NALF1: variants seen among roughly 807,000 people sequenced by gnomAD.
The protein encoded by NALF1 is NALCN channel auxiliary factor 1, also known as family with sequence similarity 155 member A.
In NALF1, 3 loss-of-function variants were observed where a neutral mutation model predicts 48.4. The observed-to-expected ratio is 0.06, with a 90% confidence interval of 0.03 to 0.16. The LOEUF is 0.16. NALF1 is among the 10% of genes least tolerant of loss of function. NALF1 has a pLI of 1.00. For synonymous variants in NALF1, 262 were observed against 245.7 expected (o/e 1.07, Z -0.62); for missense variants, 526 against 571.5 (o/e 0.92, Z 0.81).
chr13:107,215,953 T>C (rs1366481156), intron 1 of NALF1, among the ~76,000 whole-genome samples: 2 of 152,214 alleles, frequency 1.3e-5, no homozygotes, highest in African/African-American at 4.8e-5. Flanking sequence ...TGTAAATATA[T>C]GTTAGCCTGC....
intron 1 of NALF1, among the ~76,000 whole-genome samples, chr13:107,680,163 G>A (rs4083986): frequency 0.51 from 77,130 of 151,978 alleles, 20,923 homozygotes; most frequent in Middle Eastern, 0.64. Context: ...CACAGGCTCT[G>A]CATTGCTTTC....
rs1386676717 is a variant in NALF1, at chr13:107,168,834, A to C, written c.*1663T>G. The stretch of plus-strand genomic sequence containing the variant: ...GCCCGGGGAAATTTCATAGCTATAA[A>C]GTTAATAACTAAATTTTGTTCACTA... On this transcript the variant is annotated 3_prime_UTR_variant, in exon 3 of 3. Transcript: ENST00000375915. 6.6e-6 allele frequency: 1 copy of C among 152,644 alleles called. No homozygotes were observed. Among genetic ancestry groups the C allele is most frequent in the African/African-American group, 2.4e-5 (1 of 41,464 alleles). 9.5% of individuals were successfully genotyped at this position (152,644 alleles called of 1,614,324 possible).
intron 1 of NALF1, among the ~76,000 whole-genome samples, chr13:107,681,452 T>C (rs1332720725): frequency 6.6e-6 from 1 of 151,444 alleles, no homozygotes; most frequent in Admixed American, 6.6e-5. Context: ...CTGGGGTGCA[T>C]CTGCCAACTC....
intron 1 of NALF1, among the ~76,000 whole-genome samples, chr13:107,687,010 T>C (rs142843457): frequency 1.3e-5 from 2 of 152,320 alleles, no homozygotes; most frequent in East Asian, 3.9e-4. Context: ...CCTATGTTTA[T>C]TGCAGCCTTA....
intron 1 of NALF1, among the ~76,000 whole-genome samples, chr13:107,674,571 C>T (rs893239723): frequency 6.6e-5 from 10 of 152,114 alleles, no homozygotes; most frequent in Admixed American, 1.3e-4. Flanking sequence ...ATTCTACTTG[C>T]CATGCAATGT....
intron 1 of NALF1, among the ~76,000 whole-genome samples, chr13:107,457,968 T>C (rs959456179): frequency 3.9e-5 from 6 of 152,318 alleles, no homozygotes; most frequent in Non-Finnish European, 7.4e-5. Flanking sequence ...ACCACATTGA[T>C]TAACTGACAA....
At chr13:107,731,569 G>A (rs1876309610) in intron 1 of NALF1, among the ~76,000 whole-genome samples, 1 of 152,006 alleles carries the variant, frequency 6.6e-6, no homozygotes, top group African/African-American at 2.4e-5. Context: ...CGACCCTCAA[G>A]TAGGTCCCAC....
At chr13:107,725,622 T>A (rs1370195213) in intron 1 of NALF1, among the ~76,000 whole-genome samples, 2 of 151,498 alleles carry the variant, frequency 1.3e-5, no homozygotes, top group Middle Eastern at 3.2e-3. Flanking sequence ...GAAGTGGAGG[T>A]TGCAGTGAGT....
rs1032344417 is a variant in NALF1, at chr13:107,605,418, C to T, written c.915+260264G>A. On this transcript the variant is annotated intron_variant, in intron 1 of 2. Transcript: ENST00000375915. The stretch of plus-strand genomic sequence containing the variant: ...TCTCCTTCCTTCCGGTTAACTAATT[C>T]GGGACTTGGCTTTGCAGATTCATAA... 6.6e-5 allele frequency among the ~76,000 whole-genome samples: 10 copies of T among 152,240 alleles called. No individual in the cohort carries two copies. The South Asian group carries it at 1.2e-3, about 19-fold the overall frequency.
At chr13:107,654,973 C>A (rs1880538953) in intron 1 of NALF1, among the ~76,000 whole-genome samples, 1 of 151,914 alleles carries the variant, frequency 6.6e-6, no homozygotes, top group South Asian at 2.1e-4. Context: ...AACCCTCAGC[C>A]AAATCGGTAT....
Position 107,210,703 on chromosome 13 carries a change from T to G in NALF1, c.968A>C (p.Asn323Thr). 6.2e-7 allele frequency: 1 copy of G among 1,612,542 alleles called. No individual in the cohort carries two copies. The highest frequency in any genetic ancestry group is 1.3e-5 in the African/African-American group (1 of 75,004). Residue 323 changes from asparagine (N) to threonine (T), a missense_variant, in exon 2 of 3, where the codon AAC becomes ACC. Asn to Thr is a moderately conservative substitution (Grantham distance 65). Around this residue, in one of 2 missense-constraint regions of NALF1, gnomAD observed 153 missense variants for 215.9 expected, o/e 0.71. Coordinates refer to ENST00000375915, the MANE Select transcript of NALF1 (RefSeq NM_001080396.3). Reference protein sequence around the residue: ...CSQYFEVTQFNCRKTIPCKQY... With the variant: ...CSQYFEVTQFTCRKTIPCKQY... The stretch of plus-strand genomic sequence containing the variant: ...CTTGCAAGGAATTGTCTTTCTGCAG[T>G]TAAACTGTGTGACTTCAAAATACTG...
At chr13:107,332,407 G>C (rs765807188) in intron 1 of NALF1, among the ~76,000 whole-genome samples, 15 of 152,200 alleles carry the variant, frequency 9.9e-5, no homozygotes, top group Non-Finnish European at 2.1e-4. Flanking sequence ...AATACAACTA[G>C]AGGGTGTCCT....
At chr13:107,819,240 T>C (rs975290642) in intron 1 of NALF1, among the ~76,000 whole-genome samples, 1 of 152,206 alleles carries the variant, frequency 6.6e-6, no homozygotes. Context: ...CATTAGAGCA[T>C]AAGTAATATG....
At chr13:107,641,442 T>C (rs759013317) in intron 1 of NALF1, among the ~76,000 whole-genome samples, 1 of 152,168 alleles carries the variant, frequency 6.6e-6, no homozygotes, top group Non-Finnish European at 1.5e-5. Flanking sequence ...ATAATTGAGG[T>C]GATGGATAAG....
At chr13:107,340,793 T>G (rs1433102453) in intron 1 of NALF1, among the ~76,000 whole-genome samples, 3 of 152,160 alleles carry the variant, frequency 2.0e-5, no homozygotes, top group Admixed American at 6.5e-5. Flanking sequence ...GAATCCAATT[T>G]TAATAAACAA....
In NALF1 at chr13:107,362,212, G is replaced by T. The variant is rs1248845412; in HGVS notation, c.916-151457C>A. ...GGTTACCTGATGGTGGGGAAAAACG[G>T]GGTCAGGTGACAGCTTTATGATATT... On this transcript the variant is annotated intron_variant, in intron 1 of 2. Transcript: ENST00000375915. The surrounding 1 kb of genome is among the most constrained non-coding windows in gnomAD (Gnocchi z 4.6). Among the ~76,000 whole-genome samples, 1 of 152,094 alleles carries T rather than the reference G, an allele frequency of 6.6e-6. No individual in the cohort carries two copies. The highest frequency in any genetic ancestry group is 1.5e-5 in the Non-Finnish European group (1 of 68,022).
intron 1 of NALF1, among the ~76,000 whole-genome samples, chr13:107,604,365 A>G (rs1395613742): frequency 6.6e-6 from 1 of 152,040 alleles, no homozygotes; most frequent in East Asian, 1.9e-4. Flanking sequence ...CTTTCTTTCT[A>G]AGGAATTTAG....
intron 1 of NALF1, among the ~76,000 whole-genome samples, chr13:107,408,056 A>G (rs1392176405): frequency 6.6e-6 from 1 of 152,040 alleles, no homozygotes; most frequent in African/African-American, 2.4e-5. Context: ...AAATTAAAAT[A>G]AAATAATTGA....
chr13:107,350,280 A>G (rs966077007), intron 1 of NALF1, among the ~76,000 whole-genome samples: 2 of 151,662 alleles, frequency 1.3e-5, no homozygotes, highest in Non-Finnish European at 2.9e-5. Context: ...TCATAAACTT[A>G]ATTGTGTAAT....
Sources: gnomAD v4.1 joint callset for allele counts (sites outside exome capture counted in the v4.1 genomes callset) on GRCh38, gnomAD v4.1.1 for gene constraint, gnomAD v4.1.1 regional missense constraint, Gnocchi (gnomAD v3.1) non-coding constraint, MANE v1.5 for transcripts, NCBI Gene and HGNC (gene_info 2026-07-23, HGNC 2026-07-21) for gene names.